RAF1: variants seen among roughly 807,000 people sequenced by gnomAD.
The protein encoded by RAF1 is RAF proto-oncogene serine/threonine-protein kinase.
Under a neutral mutation model 81.1 loss-of-function variants are expected in RAF1, and 27 were observed. The ratio of observed to expected loss-of-function variants is 0.33; its 90% CI spans 0.25 to 0.46. The LOEUF (loss-of-function observed/expected upper bound fraction) is 0.46, where lower values mean the gene tolerates loss of function less well. Ranked by LOEUF, RAF1 falls within the 20% of genes least tolerant of loss-of-function variation. RAF1 has a pLI of 1.00. For missense variants in RAF1, 598 were observed against 826.0 expected, an observed-to-expected ratio of 0.72 and a Z score of 3.38; for synonymous variants, 298 against 294.0, an observed-to-expected ratio of 1.01 and a Z score of -0.14.
intron 11 of RAF1, among the ~76,000 whole-genome samples, chr3:12,593,707 G>C (rs1422811872): frequency 6.6e-6 from 1 of 151,882 alleles, no homozygotes; most frequent in African/African-American, 2.4e-5. Context: ...ATTTGCATAA[G>C]TGTCCATTCT....
rs5746196 is a variant in RAF1 at position 12,612,147 on chromosome 3, G to C, written c.208-85C>G. ...GGCACAGAAATAAATGCACCAGTCT[G>C]TATTGCTTGTGATGGCCCACGCACA... On this transcript the variant is annotated intron_variant, in intron 2 of 17. Transcript: ENST00000442415. 4 of 1,053,154 alleles carry C rather than the reference G, an allele frequency of 3.8e-6. No individual in the cohort carries two copies. In the East Asian group the frequency reaches 7.1e-5, roughly 19 times the overall value. The allele number at this position is 1,053,154 out of a possible 1,614,324, so 65.2% of individuals were successfully genotyped here.
chr3:12,629,104 T>C (rs2125490985), intron 1 of RAF1, among the ~76,000 whole-genome samples: 1 of 152,218 alleles, frequency 6.6e-6, no homozygotes, highest in African/African-American at 2.4e-5. Context: ...TCATTTTAAA[T>C]CAACTGACCC....
chr3:12,653,203 A>G (rs1421509395), intron 1 of RAF1, among the ~76,000 whole-genome samples: 3 of 151,860 alleles, frequency 2.0e-5, no homozygotes, highest in African/African-American at 7.3e-5. Flanking sequence ...AATCGCTTGA[A>G]CCTGAGAGGC....
At chr3:12,610,497 T>G (rs911933331) in intron 3 of RAF1, among the ~76,000 whole-genome samples, 3 of 151,978 alleles carry the variant, frequency 2.0e-5, no homozygotes, top group African/African-American at 7.3e-5. Flanking sequence ...TGGATGAGAG[T>G]AGACCAAGCC....
At chr3:12,585,514 T>G (rs542186864) in intron 15 of RAF1, 167 bp downstream of exon 14, 219 of 898,916 alleles carry the variant, frequency 2.4e-4, no homozygotes, top group Non-Finnish European at 2.9e-4. Flanking sequence ...GTGGTTCTGA[T>G]CAACAGCTTC....
chr3:12,621,224 C>T (rs1424848017), intron 1 of RAF1, among the ~76,000 whole-genome samples: 2 of 152,184 alleles, frequency 1.3e-5, no homozygotes, highest in African/African-American at 4.8e-5. Context: ...CTCACACACA[C>T]AGCTTGTAAG....
chr3:12,618,156 G>C (rs974889123), intron 2 of RAF1, among the ~76,000 whole-genome samples: 3 of 152,024 alleles, frequency 2.0e-5, no homozygotes, highest in African/African-American at 7.2e-5. Flanking sequence ...AAAAGCTTTA[G>C]GTGAATATTT....
intron 1 of RAF1, among the ~76,000 whole-genome samples, chr3:12,635,017 T>C (rs1011921760): frequency 2.1e-4 from 32 of 152,152 alleles, no homozygotes; most frequent in African/African-American, 7.5e-4. Context: ...TAGTATATGT[T>C]TAATACTTCT....
chr3:12,597,311 G>A (rs547822400), intron 11 of RAF1, among the ~76,000 whole-genome samples: 1 of 152,316 alleles, frequency 6.6e-6, no homozygotes, highest in African/African-American at 2.4e-5. Context: ...TCTATTGAGA[G>A]AAGACAAAGC....
At position 12,590,990 on chromosome 3, in the gene RAF1, G is replaced by T; in HGVS notation, c.1254-16C>A. The stretch of plus-strand genomic sequence containing the variant: ...CCGTGTTTTGCTGGGGAGGGGAGGG[G>T]AAGAGAGGAGAGGGAGGAGGAAAGT... On this transcript the variant is annotated splice_polypyrimidine_tract_variant and intron_variant, in intron 12 of 17. Transcript: ENST00000442415. 1 of 1,595,746 alleles carries T rather than the reference G, an allele frequency of 6.3e-7. No individual in the cohort carries two copies.
chr3:12,650,073 G>A (rs1000978790), intron 1 of RAF1, among the ~76,000 whole-genome samples: 21 of 148,510 alleles, frequency 1.4e-4, no homozygotes, highest in Non-Finnish European at 4.4e-5. Context: ...ATGAACCCAG[G>A]AGGCGGAGGT....
chr3:12,596,108 A>C (rs1214493845), intron 11 of RAF1, among the ~76,000 whole-genome samples: 1 of 151,880 alleles, frequency 6.6e-6, no homozygotes, highest in East Asian at 1.9e-4. Flanking sequence ...CCTGGGCTAA[A>C]GTGATCCTCC....
In RAF1 at chr3:12,648,881, G is replaced by A. The variant is rs372520448; in HGVS notation, c.-27+14932C>T. ...TGTAATCCCAGCACTTTAGGAGGCC[G>A]ACGTGGGCGGATCACCTGAGGTCGG... On this transcript the variant is annotated intron_variant, in intron 1 of 17. Coordinates refer to ENST00000442415, the MANE Select transcript of RAF1 (RefSeq NM_001354689.3). 6.3e-4 allele frequency among the ~76,000 whole-genome samples: 96 copies of A among 152,338 alleles called. 1 individual carries two copies. In the East Asian group the frequency reaches 0.011, roughly 18 times the overall value.
Position 12,611,943 on chromosome 3 carries a change from C to T in RAF1, c.320+7G>A, listed in dbSNP as rs1408622509. ...CTGAAGAAGTCAATTGACTTTTGAG[C>T]TCTTACCCTTTGTGTTCGTGGAGAA... On this transcript the variant is annotated splice_region_variant and intron_variant, in intron 3 of 17. Transcript: ENST00000442415. 2 of 1,611,116 alleles carry T rather than the reference C, an allele frequency of 1.2e-6. No homozygotes were observed. The highest frequency in any genetic ancestry group is 1.6e-4 in the Middle Eastern group (1 of 6,062).
intron 1 of RAF1, among the ~76,000 whole-genome samples, chr3:12,633,942 A>C (rs77779937): frequency 0.018 from 2,781 of 151,692 alleles, 91 homozygotes; most frequent in African/African-American, 0.063. Context: ...CTCAAAAAAA[A>C]AAAAAAAAAC....
chr3:12,606,755 G>A (rs1386186955), intron 5 of RAF1, among the ~76,000 whole-genome samples: 2 of 152,000 alleles, frequency 1.3e-5, no homozygotes, highest in Non-Finnish European at 2.9e-5. Context: ...TGCACAACAT[G>A]CAGGTTTGTT....
At chr3:12,618,971 C>A (rs2059463466) in intron 1 of RAF1, among the ~76,000 whole-genome samples, 1 of 152,180 alleles carries the variant, frequency 6.6e-6, no homozygotes, top group African/African-American at 2.4e-5. Flanking sequence ...AACTGCGGGG[C>A]ACGGTGGCTC....
chr3:12,593,524 C>T (rs1473460473), intron 11 of RAF1, among the ~76,000 whole-genome samples: 3 of 152,200 alleles, frequency 2.0e-5, no homozygotes, highest in Admixed American at 1.3e-4. Context: ...AAGTGGCTCT[C>T]ATCCAGTTAA....
chr3:12,607,476 C>T (rs1440462746), intron 5 of RAF1, among the ~76,000 whole-genome samples: 1 of 151,996 alleles, frequency 6.6e-6, no homozygotes, highest in Non-Finnish European at 1.5e-5. Flanking sequence ...GCTGAAACCC[C>T]GTCTCTAGAA....
Sources: allele counts gnomAD v4.1 joint callset (sites outside exome capture counted in the v4.1 genomes callset), GRCh38; gene constraint gnomAD v4.1.1; transcripts MANE v1.5; gene names NCBI Gene and HGNC (gene_info 2026-07-23, HGNC 2026-07-21).